Variants in CELF2 observed in about 807,000 individuals in gnomAD.
The protein encoded by CELF2 is CUG triplet repeat RNA-binding protein 2.
Under a neutral mutation model 62.6 loss-of-function variants are expected in CELF2, and 8 were observed. The ratio of observed to expected loss-of-function variants is 0.13; its 90% CI spans 0.07 to 0.23. CELF2 has a LOEUF of 0.23. Ranked by LOEUF, CELF2 falls within the 10% of genes least tolerant of loss-of-function variation. The pLI is 1.00. For missense variants in CELF2, 333 were observed against 671.0 expected, an observed-to-expected ratio of 0.50 and a Z score of 5.56; for synonymous variants, 258 against 250.0, an observed-to-expected ratio of 1.03 and a Z score of -0.30.
At chr10:11,017,511 G>A (rs1055608226), upstream of CELF2, among the ~76,000 whole-genome samples, 1 of 152,182 alleles carries the variant, frequency 6.6e-6, no homozygotes, top group Admixed American at 6.5e-5. This position sits in a 1 kb window ranked among gnomAD's most constrained non-coding sequence, Gnocchi z 5.5. Flanking sequence ...GCCCGGGCAA[G>A]CACACCACAC....
At chr10:11,038,604 C>T (rs1428811004) in intron 1 of CELF2, among the ~76,000 whole-genome samples, 1 of 152,112 alleles carries the variant, frequency 6.6e-6, no homozygotes, top group African/African-American at 2.4e-5. Context: ...AACTACTATG[C>T]AGTACACCAC....
rs1036909674 is a variant in CELF2, at chr10:11,244,459, G to A, written c.355-4694G>A. Among the ~76,000 whole-genome samples, 20 of 152,198 alleles carry A rather than the reference G, an allele frequency of 1.3e-4. No homozygotes were observed. Among genetic ancestry groups the A allele is most frequent in the African/African-American group, 4.3e-4 (18 of 41,540 alleles). On this transcript the variant is annotated intron_variant, in intron 3 of 12. Coordinates refer to ENST00000633077, the MANE Select transcript of CELF2 (RefSeq NM_001326342.2). This position sits in a 1 kb window ranked among gnomAD's most constrained non-coding sequence, Gnocchi z 4.2. The stretch of plus-strand genomic sequence containing the variant: ...CCAAGGTCAGGAGATCGAGACCATC[G>A]TGGCTAACATGGTGAAACCCTGTCT...
chr10:11,233,718 A>C (rs146971599), intron 3 of CELF2, among the ~76,000 whole-genome samples: 1 of 151,950 alleles, frequency 6.6e-6, no homozygotes, highest in African/African-American at 2.4e-5. Context: ...CTAACCCCCA[A>C]CCTCCAACAG....
At chr10:10,937,204 G>A (rs557847638) in intron 2 of CELF2, among the ~76,000 whole-genome samples, 38 of 142,570 alleles carry the variant, frequency 2.7e-4, no homozygotes, top group Admixed American at 1.0e-3. Flanking sequence ...TTGTCTCACC[G>A]GGAGGCAACC....
At chr10:10,865,603 C>A (rs991114631) in intron 1 of CELF2, among the ~76,000 whole-genome samples, 3 of 152,130 alleles carry the variant, frequency 2.0e-5, no homozygotes, top group Admixed American at 2.0e-4. Flanking sequence ...TACTAAGTAA[C>A]AGCTTCAAAT....
chr10:11,166,179 C>T (rs1394240880), intron 2 of CELF2, among the ~76,000 whole-genome samples: 1 of 152,190 alleles, frequency 6.6e-6, no homozygotes, highest in Non-Finnish European at 1.5e-5. Context: ...AGAAAAGGCT[C>T]CCCTGAAGAA....
the CELF2 span, among the ~76,000 whole-genome samples, chr10:10,513,420 G>A: frequency 6.6e-6 from 1 of 152,066 alleles, no homozygotes; most frequent in Non-Finnish European, 1.5e-5. Flanking sequence ...CTATTTTAAG[G>A]CTTTTTAAAA....
At chr10:10,565,626 T>C in the CELF2 span, among the ~76,000 whole-genome samples, 3 of 152,218 alleles carry the variant, frequency 2.0e-5, no homozygotes, top group South Asian at 6.2e-4. Flanking sequence ...TGGATGCTTC[T>C]GGTGTAAGAA....
the CELF2 span, among the ~76,000 whole-genome samples, chr10:10,778,485 G>C: frequency 5.3e-5 from 8 of 152,160 alleles, no homozygotes; most frequent in African/African-American, 1.7e-4. Context: ...CTGGTGAAAT[G>C]GGAGCTCAAA....
At chr10:11,208,629 G>A (rs1302740154) in intron 2 of CELF2, among the ~76,000 whole-genome samples, 1 of 152,192 alleles carries the variant, frequency 6.6e-6, no homozygotes, top group Non-Finnish European at 1.5e-5. Flanking sequence ...AACAAGGTAG[G>A]TCAGAGAATT....
intron 1 of CELF2, among the ~76,000 whole-genome samples, chr10:10,814,020 C>T (rs1368316894): frequency 6.6e-6 from 1 of 152,016 alleles, no homozygotes; most frequent in Non-Finnish European, 1.5e-5. Context: ...TCTCCTTTCA[C>T]TTTGGATATA....
At chr10:10,683,654 G>A in the CELF2 span, among the ~76,000 whole-genome samples, 1 of 152,136 alleles carries the variant, frequency 6.6e-6, no homozygotes, top group East Asian at 1.9e-4. Flanking sequence ...GAGTACAGAT[G>A]GGAAAGAAAA....
At chr10:10,523,023 T>G in the CELF2 span, among the ~76,000 whole-genome samples, 5 of 152,204 alleles carry the variant, frequency 3.3e-5, no homozygotes, top group Non-Finnish European at 2.9e-5. Flanking sequence ...ACTCTTCCAG[T>G]TTCTCCTGCT....
intron 1 of CELF2, among the ~76,000 whole-genome samples, chr10:11,053,227 A>G (rs1237168978): frequency 1.3e-5 from 2 of 152,176 alleles, no homozygotes; most frequent in African/African-American, 4.8e-5. Flanking sequence ...TTTCCCAACA[A>G]AATGTCACAT....
chr10:10,853,316 T>C (rs1172595760), intron 1 of CELF2, among the ~76,000 whole-genome samples: 1 of 152,112 alleles, frequency 6.6e-6, no homozygotes, highest in African/African-American at 2.4e-5. Context: ...ATGTCTAGGA[T>C]TCTTGGTTGC....
At chr10:10,781,762 C>T in the CELF2 span, among the ~76,000 whole-genome samples, 2 of 152,124 alleles carry the variant, frequency 1.3e-5, no homozygotes, top group African/African-American at 2.4e-5. Context: ...CTACGCTGGT[C>T]CCACAATGAC....
chr10:11,274,443 G>A lies in CELF2; in HGVS notation c.778-614G>A, dbSNP rs532420099. Among the ~76,000 whole-genome samples, 15 of 152,330 alleles carry A rather than the reference G, an allele frequency of 9.8e-5. No homozygotes were observed. The South Asian group carries it at 1.0e-3, about 11-fold the overall frequency. ...GTTTTTGAAGATTGACATTTACAAC[G>A]CGTGACTTCGATGTACATAGCACCA... On this transcript the variant is annotated intron_variant, in intron 7 of 12. Coordinates refer to ENST00000633077, the MANE Select transcript of CELF2 (RefSeq NM_001326342.2).
At chr10:10,853,421 A>G (rs2059511373) in intron 1 of CELF2, among the ~76,000 whole-genome samples, 1 of 152,058 alleles carries the variant, frequency 6.6e-6, no homozygotes, top group Admixed American at 6.6e-5. Flanking sequence ...CATTTAGTGA[A>G]AAGATCTGGG....
At position 11,321,179 on chromosome 10, in the gene CELF2, T is replaced by C; in HGVS notation, c.1097-10T>C. The C allele has an allele frequency of 6.2e-7, 1 of 1,614,044 alleles. No individual in the cohort carries two copies. The highest frequency in any genetic ancestry group is 8.5e-7 in the Non-Finnish European group (1 of 1,179,906). On this transcript the variant is annotated splice_polypyrimidine_tract_variant and intron_variant, in intron 10 of 12. Coordinates refer to ENST00000633077, the MANE Select transcript of CELF2 (RefSeq NM_001326342.2). This position sits in a 1 kb window ranked among gnomAD's most constrained non-coding sequence, Gnocchi z 6.2. ...TGTTTCTCTTCTCTATTGTTGGGTT[T>C]TTTGTAAAGTTGCTCAAATGCTCTC... is the stretch of plus-strand genomic sequence containing the variant.
Sources: allele counts gnomAD v4.1 joint callset (sites outside exome capture counted in the v4.1 genomes callset), GRCh38; gene constraint gnomAD v4.1.1; non-coding constraint Gnocchi (gnomAD v3.1); transcripts MANE v1.5; gene names NCBI Gene and HGNC (gene_info 2026-07-23, HGNC 2026-07-21).